The following OSBPL1A variants were observed in gnomAD, a reference collection of about 807,000 sequenced individuals.
The protein encoded by OSBPL1A is oxysterol-binding protein-related protein 1.
A neutral mutation model predicts 137.1 loss-of-function variants in OSBPL1A; 80 were observed. The observed-to-expected ratio is 0.58, with a 90% CI of 0.49 to 0.70. The LOEUF is 0.70. Among genes scored for constraint, OSBPL1A ranks in the 30% least tolerant of loss-of-function variants. The probability of loss-of-function intolerance (pLI) is 0.00; values close to 1 mark genes in which losing one functional copy is unlikely to be tolerated. For missense variants in OSBPL1A, 970 were observed against 1,129.4 expected (o/e 0.86, Z 2.02); for synonymous variants, 365 against 389.7 (o/e 0.94, Z 0.75).
At chr18:24,395,042 T>A (rs992327214) in intron 1 of OSBPL1A, among the ~76,000 whole-genome samples, 5 of 152,250 alleles carry the variant, frequency 3.3e-5, no homozygotes, top group Non-Finnish European at 5.9e-5. Context: ...GATACTTATA[T>A]GACACCACAA....
chr18:24,331,397 CTT>C (rs1211637974), intron 7 of OSBPL1A, among the ~76,000 whole-genome samples: 27 of 140,384 alleles, frequency 1.9e-4, no homozygotes, highest in Admixed American at 2.9e-4. Flanking sequence ...GCATGTTCCT[CTT>C]TTTTTTTTTT....
At chr18:24,220,861 G>A (rs1456058887) in intron 17 of OSBPL1A, among the ~76,000 whole-genome samples, 2 of 151,826 alleles carry the variant, frequency 1.3e-5, no homozygotes, top group East Asian at 1.9e-4. Context: ...CACCCAGGCT[G>A]GTGTATAATG....
chr18:24,374,500 A>C (rs1160547679), intron 2 of OSBPL1A, among the ~76,000 whole-genome samples: 2 of 151,976 alleles, frequency 1.3e-5, no homozygotes, highest in Admixed American at 1.3e-4. Flanking sequence ...GGGATGCAGG[A>C]AAAGACCCCC....
intron 18 of OSBPL1A, 32 bp from the exon 19 acceptor site, chr18:24,181,311 C>T: frequency 1.2e-6 from 2 of 1,604,108 alleles, no homozygotes; most frequent in Non-Finnish European, 1.7e-6. Context: ...AGTGTTATGT[C>T]CCATATACAT....
At chr18:24,309,368 G>C (rs2090571171) in intron 13 of OSBPL1A, among the ~76,000 whole-genome samples, 1 of 152,062 alleles carries the variant, frequency 6.6e-6, no homozygotes, top group Admixed American at 6.6e-5. Context: ...TTCCTTCTAA[G>C]AGACAGGGAC....
intron 14 of OSBPL1A, among the ~76,000 whole-genome samples, chr18:24,291,215 T>C (rs1014896618): frequency 2.5e-4 from 38 of 152,108 alleles, no homozygotes; most frequent in African/African-American, 8.9e-4. Context: ...ATAAAAACAT[T>C]CTGAAAAAAA....
At chr18:24,295,695 A>G (rs745912549) in intron 14 of OSBPL1A, among the ~76,000 whole-genome samples, 2 of 152,200 alleles carry the variant, frequency 1.3e-5, no homozygotes, top group African/African-American at 2.4e-5. Flanking sequence ...TATAAACTGA[A>G]TAGGCTGTCC....
At chr18:24,310,952 T>C (rs2090610744) in intron 13 of OSBPL1A, among the ~76,000 whole-genome samples, 1 of 152,204 alleles carries the variant, frequency 6.6e-6, no homozygotes, top group South Asian at 2.1e-4. Flanking sequence ...GTAGTAGATG[T>C]TACCTTTGCA....
chr18:24,196,814 A>G (rs2087047663), intron 17 of OSBPL1A, among the ~76,000 whole-genome samples: 1 of 152,214 alleles, frequency 6.6e-6, no homozygotes, highest in African/African-American at 2.4e-5. Context: ...GTAGACTGGA[A>G]AACAAATTAA....
At chr18:24,265,898 T>C (rs1178454973) in intron 15 of OSBPL1A, among the ~76,000 whole-genome samples, 2 of 152,126 alleles carry the variant, frequency 1.3e-5, no homozygotes, top group Non-Finnish European at 2.9e-5. Flanking sequence ...CCCATCGGGG[T>C]TTCTCTCCTC....
At chr18:24,387,804 A>G (rs1175381281) in intron 1 of OSBPL1A, among the ~76,000 whole-genome samples, 1 of 151,496 alleles carries the variant, frequency 6.6e-6, no homozygotes, top group Non-Finnish European at 1.5e-5. Context: ...TAGAATGCCC[A>G]TGAGTATCTG....
chr18:24,239,924 TC>T (rs2088632101), intron 15 of OSBPL1A, among the ~76,000 whole-genome samples: 2 of 70,754 alleles, frequency 2.8e-5, no homozygotes, highest in African/African-American at 5.5e-5. Context: ...TTCATTTTTC[TC>T]TTTTTTTTTT....
chr18:24,232,133 G>A (rs2088302472), intron 16 of OSBPL1A, among the ~76,000 whole-genome samples: 1 of 152,212 alleles, frequency 6.6e-6, no homozygotes, highest in African/African-American at 2.4e-5. Flanking sequence ...AAATATCAGT[G>A]CCAAATTTTT....
chr18:24,290,670 G>A (rs1032149145), intron 14 of OSBPL1A, among the ~76,000 whole-genome samples: 12 of 152,080 alleles, frequency 7.9e-5, no homozygotes, highest in African/African-American at 2.2e-4. Flanking sequence ...GCAACAGAGC[G>A]AGGCTCTGTC....
intron 14 of OSBPL1A, among the ~76,000 whole-genome samples, chr18:24,290,904 G>A (rs769046379): frequency 6.6e-6 from 1 of 152,054 alleles, no homozygotes; most frequent in Non-Finnish European, 1.5e-5. Flanking sequence ...CTAAGCTCTG[G>A]GTGGGAAACC....
intron 15 of OSBPL1A, among the ~76,000 whole-genome samples, chr18:24,255,180 T>TA (rs1349666554): frequency 6.6e-6 from 1 of 152,076 alleles, no homozygotes; most frequent in East Asian, 1.9e-4. Context: ...AATAGATCAA[T>TA]AACAAGTATC....
At position 24,377,451 on chromosome 18, in the gene OSBPL1A, A is replaced by G. The variant is rs1330999114; in HGVS notation, c.83T>C (p.Met28Thr). The G allele has an allele frequency of 6.2e-7, 1 of 1,611,006 alleles. No homozygotes were observed. The highest frequency in any genetic ancestry group is 8.5e-7 in the Non-Finnish European group (1 of 1,179,412). ...AEEVRQLLET[M>T]ARNEVIADIN... Reference sequence around the variant, plus strand: ...GTCAGCAATCACTTCATTCCTCGCCATGGTCTCTAATAGTTGTCTTACTTC... The same window carrying G: ...GTCAGCAATCACTTCATTCCTCGCCGTGGTCTCTAATAGTTGTCTTACTTC... The change falls in exon 2 of 28, where the codon ATG becomes ACG. Residue 28 changes from methionine (M) to threonine (T), a missense_variant. Coordinates refer to ENST00000319481, the MANE Select transcript of OSBPL1A (RefSeq NM_080597.4).
At chr18:24,272,168 C>G (rs1461136081) in intron 15 of OSBPL1A, 1 of 983,672 alleles carries the variant, frequency 1.0e-6, no homozygotes, top group Non-Finnish European at 1.2e-6. Context: ...AGTGCCGCGC[C>G]GAGGCGCCTG....
At chr18:24,187,845 C>T (rs1405574204) in intron 18 of OSBPL1A, among the ~76,000 whole-genome samples, 1 of 152,120 alleles carries the variant, frequency 6.6e-6, no homozygotes, top group East Asian at 1.9e-4. Flanking sequence ...TTCCTGAAGC[C>T]TGGGCCAGGA....
Sources: allele counts gnomAD v4.1 joint callset (sites outside exome capture counted in the v4.1 genomes callset), GRCh38; gene constraint gnomAD v4.1.1; transcripts MANE v1.5; gene names NCBI Gene and HGNC (gene_info 2026-07-23, HGNC 2026-07-21).